The following GARRE1 variants were observed in gnomAD, a reference collection of about 807,000 sequenced individuals.
GARRE1 encodes granule associated Rac and RHOG effector protein 1.
Under a neutral mutation model 103.2 loss-of-function variants are expected in GARRE1, and 49 were observed. That is an observed-to-expected ratio of 0.47 (90% CI 0.38 to 0.60). The LOEUF (loss-of-function observed/expected upper bound fraction) is 0.60. Among genes scored for constraint, GARRE1 ranks in the 20% least tolerant of loss-of-function variants. The pLI is 0.00. For synonymous variants in GARRE1, 505 were observed against 532.8 expected (o/e 0.95, Z 0.72); for missense variants, 1,199 against 1,370.5 (o/e 0.87, Z 1.98).
intron 3 of GARRE1, among the ~76,000 whole-genome samples, chr19:34,321,530 C>T (rs1222419567): frequency 6.6e-6 from 1 of 151,712 alleles, no homozygotes; most frequent in Non-Finnish European, 1.5e-5. Flanking sequence ...TCTTGGCTCA[C>T]TGCAACCTCC....
chr19:34,328,156 C>T lies in GARRE1; in HGVS notation c.1104+5C>T, dbSNP rs200536386. 3 of 1,613,030 alleles carry T rather than the reference C, an allele frequency of 1.9e-6. No homozygotes were observed. The highest frequency in any genetic ancestry group is 2.2e-5 in the East Asian group (1 of 44,874). On this transcript the variant is annotated splice_donor_5th_base_variant and intron_variant, in intron 6 of 13. Coordinates refer to ENST00000299505, the MANE Select transcript of GARRE1 (RefSeq NM_014686.5). ...GACAATCTGAAACTTAAGACGGTAG[C>T]TTTCCATGGGGTTCCAGCAAATGAG...
In GARRE1 at chr19:34,353,086, T is replaced by C. The variant is rs1018162452; in HGVS notation, c.*131T>C. ...CCAGTGCGCCCCATCCCAGGGAGGG[T>C]TCCTTGGGGACAAGGGTGGTTGGCA... is the stretch of plus-strand genomic sequence containing the variant. On this transcript the variant is annotated 3_prime_UTR_variant, in exon 14 of 14. Transcript: ENST00000299505. 3 of 851,124 alleles carry C rather than the reference T, an allele frequency of 3.5e-6. No homozygotes were observed. The highest frequency in any genetic ancestry group is 5.3e-6 in the Non-Finnish European group (3 of 567,402). 52.7% of individuals were successfully genotyped at this position (851,124 alleles called of 1,614,324 possible).
At chr19:34,258,798 A>G (rs893919640) in intron 1 of GARRE1, among the ~76,000 whole-genome samples, 25 of 151,220 alleles carry the variant, frequency 1.7e-4, no homozygotes, top group African/African-American at 5.8e-4. Context: ...TCAAAAAAAA[A>G]AAGAAAAGAA....
chr19:34,322,686 C>G (rs1405706452), intron 3 of GARRE1, among the ~76,000 whole-genome samples: 2 of 151,696 alleles, frequency 1.3e-5, no homozygotes, highest in Admixed American at 1.3e-4. Flanking sequence ...CTCCCGGGTT[C>G]AAGCAATTCT....
intron 1 of GARRE1, among the ~76,000 whole-genome samples, chr19:34,282,882 T>C (rs1003301784): frequency 6.6e-5 from 10 of 152,354 alleles, no homozygotes; most frequent in African/African-American, 2.4e-4. Context: ...AGTGGCCAGC[T>C]TTGCTCTGGT....
chr19:34,280,663 C>T (rs967045021), intron 1 of GARRE1, among the ~76,000 whole-genome samples: 5 of 152,030 alleles, frequency 3.3e-5, no homozygotes, highest in African/African-American at 1.2e-4. Flanking sequence ...GATTTTCACC[C>T]CTAAATGGTT....
rs200954418 is a variant in GARRE1 at position 34,347,925 on chromosome 19, C to T, written c.2570C>T (p.Ala857Val). Residue 857 changes from alanine to valine, a missense_variant, in exon 11 of 14, where the codon GCG (alanine) becomes GTG (valine). Transcript: ENST00000299505. ...CGCTATGTGGCAGGAGTGAGCCAGG[C>T]GATGCAGCAGAAGCGGCAGGCCCAG... ...FARYVAGVSQ[A>V]MQQKRQAQHG... The T allele has an allele frequency of 5.3e-5, 84 of 1,592,524 alleles. No individual in the cohort carries two copies. The highest frequency in any genetic ancestry group is 6.7e-5 in the African/African-American group (5 of 74,228).
chr19:34,259,886 T>G (rs553942496), intron 1 of GARRE1, among the ~76,000 whole-genome samples: 5 of 152,320 alleles, frequency 3.3e-5, no homozygotes, highest in African/African-American at 7.2e-5. Flanking sequence ...TCTCACAAGA[T>G]CTGATGGCTT....
intron 13 of GARRE1, 24 bp from the exon 14 acceptor site, chr19:34,352,623 T>C (rs2074244649): frequency 1.3e-6 from 2 of 1,592,902 alleles, no homozygotes; most frequent in Admixed American, 1.7e-5. Flanking sequence ...GAAATGCCAC[T>C]AAGAACTCTC....
intron 1 of GARRE1, chr19:34,296,152 C>CT (rs5827899): frequency 0.67 from 189,499 of 281,796 alleles, 55,770 homozygotes; most frequent in African/African-American, 0.91. Context: ...GGATCCCTCG[C>CT]TTTTTTTTTT....
At chr19:34,307,923 G>A (rs905074883) in intron 2 of GARRE1, among the ~76,000 whole-genome samples, 1 of 150,406 alleles carries the variant, frequency 6.6e-6, no homozygotes, top group Non-Finnish European at 1.5e-5. Flanking sequence ...CTGAGACTGC[G>A]TAGCTGAGAC....
intron 1 of GARRE1, among the ~76,000 whole-genome samples, chr19:34,286,873 G>A (rs1258701361): frequency 2.0e-5 from 3 of 152,230 alleles, no homozygotes; most frequent in Middle Eastern, 3.4e-3. Flanking sequence ...ATCATCAGGC[G>A]TCCTCATTCT....
In GARRE1 at chr19:34,353,280, G is replaced by T; in HGVS notation, c.*325G>T. The T allele has an allele frequency of 2.7e-6, 1 of 374,270 alleles. No individual in the cohort carries two copies. The highest frequency in any genetic ancestry group is 4.8e-6 in the Non-Finnish European group (1 of 207,452). 23.2% of individuals were successfully genotyped at this position (374,270 alleles called of 1,614,324 possible). ...CCACAGCCACACTTGAAGAAACACA[G>T]CTCTTGGGTTTTTAGTCCTGCTGTG... On this transcript the variant is annotated 3_prime_UTR_variant, in exon 14 of 14. Coordinates refer to ENST00000299505, the MANE Select transcript of GARRE1 (RefSeq NM_014686.5).
intron 1 of GARRE1, among the ~76,000 whole-genome samples, chr19:34,269,480 A>T (rs1320864483): frequency 6.6e-6 from 1 of 152,334 alleles, no homozygotes; most frequent in Non-Finnish European, 1.5e-5. Flanking sequence ...TCAGTATAGG[A>T]TAACATGGGC....
intron 2 of GARRE1, among the ~76,000 whole-genome samples, chr19:34,315,475 G>C (rs1191581397): frequency 6.6e-6 from 1 of 152,168 alleles, no homozygotes; most frequent in Non-Finnish European, 1.5e-5. Flanking sequence ...ACTTTGGGAG[G>C]CCAAGGCGGG....
Position 34,339,998 on chromosome 19 carries a change from T to C in GARRE1, c.1487+6T>C, listed in dbSNP as rs1478550555. On this transcript the variant is annotated splice_donor_region_variant and intron_variant, in intron 9 of 13. Transcript: ENST00000299505. Reference sequence around the variant, plus strand: ...AACCGCTGGAGGGCTGGAAGGTTGGTGTCTGTGGTTTGCATTAGATGCATA... The same window carrying C: ...AACCGCTGGAGGGCTGGAAGGTTGGCGTCTGTGGTTTGCATTAGATGCATA... 1 of 1,614,214 alleles carries C rather than the reference T, an allele frequency of 6.2e-7. No homozygotes were observed. Among genetic ancestry groups the C allele is most frequent in the Admixed American group, 1.7e-5 (1 of 60,016 alleles).
At chr19:34,260,648 A>G (rs914760447) in intron 1 of GARRE1, among the ~76,000 whole-genome samples, 2 of 152,340 alleles carry the variant, frequency 1.3e-5, no homozygotes, top group Non-Finnish European at 1.5e-5. Context: ...GTCGTTTAGC[A>G]TTAATGAAGT....
chr19:34,310,369 G>C (rs1391789503), intron 2 of GARRE1, among the ~76,000 whole-genome samples: 1 of 152,232 alleles, frequency 6.6e-6, no homozygotes, highest in Non-Finnish European at 1.5e-5. Context: ...TGTGTCCTAT[G>C]TGTCTGCTGC....
intron 2 of GARRE1, 122 bp downstream of exon 2, chr19:34,301,090 CTCTG>C: frequency 1.9e-6 from 2 of 1,075,532 alleles, no homozygotes; most frequent in Admixed American, 2.5e-5. Context: ...GCTGTTGGTA[CTCTG>C]TCTTTGTAAA....
Sources: gnomAD v4.1 joint callset for allele counts (sites outside exome capture counted in the v4.1 genomes callset) on GRCh38, gnomAD v4.1.1 for gene constraint, MANE v1.5 for transcripts, NCBI Gene and HGNC (gene_info 2026-07-23, HGNC 2026-07-21) for gene names.